HNF4G: variants seen among roughly 807,000 people sequenced by gnomAD.
The protein encoded by HNF4G is hepatocyte nuclear factor 4-gamma.
HNF4G carries 21 observed loss-of-function variants against 50.9 expected under a neutral mutation model. That is an observed-to-expected ratio of 0.41 (90% CI 0.29 to 0.59). The LOEUF is 0.59. Among genes scored for constraint, HNF4G ranks in the 20% least tolerant of loss-of-function variants. The probability of loss-of-function intolerance (pLI) is 0.26; values close to 1 mark genes in which losing one functional copy is unlikely to be tolerated. For missense variants in HNF4G, 527 were observed against 559.4 expected (o/e 0.94, Z 0.58); for synonymous variants, 198 against 185.6 (o/e 1.07, Z -0.54).
chr8:75,428,922 G>C (rs767862739), intron 1 of HNF4G, among the ~76,000 whole-genome samples: 23 of 152,152 alleles, frequency 1.5e-4, no homozygotes, highest in Non-Finnish European at 2.5e-4. Context: ...GGCAAAAGTA[G>C]ATACGGGAAG....
In HNF4G at chr8:75,566,491, A is replaced by G. The variant is rs1371388745; in HGVS notation, c.*2395A>G. On this transcript the variant is annotated 3_prime_UTR_variant, in exon 10 of 10. Coordinates refer to ENST00000396423, the MANE Select transcript of HNF4G (RefSeq NM_004133.5). ...AATTGTTAGTAATGATTCTGCTTCAATAACTATGGTCAGGGAATTTATAAT... is the reference window on the plus strand; with the variant it reads ...AATTGTTAGTAATGATTCTGCTTCAGTAACTATGGTCAGGGAATTTATAAT... 1 of 152,576 alleles carries G rather than the reference A, an allele frequency of 6.6e-6. No individual in the cohort carries two copies. The highest frequency in any genetic ancestry group is 2.4e-5 in the African/African-American group (1 of 41,448). The allele number at this position is 152,576 out of a possible 1,614,324, so 9.5% of individuals were successfully genotyped here.
chr8:75,475,003 T>TATTA (rs1002906054), intron 1 of HNF4G, among the ~76,000 whole-genome samples: 3 of 150,512 alleles, frequency 2.0e-5, no homozygotes, highest in African/African-American at 7.3e-5. Flanking sequence ...GCCTATTATT[T>TATTA]ATTAATTAAT....
chr8:75,421,629 G>T (rs1214143277), intron 1 of HNF4G, among the ~76,000 whole-genome samples: 1 of 152,130 alleles, frequency 6.6e-6, no homozygotes, highest in African/African-American at 2.4e-5. Flanking sequence ...CAGTTTACAC[G>T]GAAATTGCAC....
At chr8:75,441,950 C>T (rs950970251) in intron 1 of HNF4G, among the ~76,000 whole-genome samples, 1 of 152,000 alleles carries the variant, frequency 6.6e-6, no homozygotes, top group African/African-American at 2.4e-5. Flanking sequence ...GGTATATTCA[C>T]GTGATGATTT....
chr8:75,552,800 C>T (rs1168970188), intron 4 of HNF4G, among the ~76,000 whole-genome samples: 1 of 151,934 alleles, frequency 6.6e-6, no homozygotes, highest in Non-Finnish European at 1.5e-5. Flanking sequence ...ATACTGTTCC[C>T]AGAGGATGGT....
In HNF4G at chr8:75,500,282, G is replaced by T. The variant is rs118117240; in HGVS notation, c.-24+10074G>T. On this transcript the variant is annotated intron_variant, in intron 2 of 10. Transcript: ENST00000354370. Reference sequence around the variant, plus strand: ...AGCACATGAAAAAATGTCCAACATCGTTAGTCATTAGGAAAATGCAATTTA... The same window carrying T: ...AGCACATGAAAAAATGTCCAACATCTTTAGTCATTAGGAAAATGCAATTTA... Among the ~76,000 whole-genome samples, 876 of 152,188 alleles carry T rather than the reference G, an allele frequency of 5.8e-3. 6 individuals are homozygous for T. Among genetic ancestry groups the T allele is most frequent in the Non-Finnish European group, 9.7e-3 (657 of 67,968 alleles).
intron 1 of HNF4G, among the ~76,000 whole-genome samples, chr8:75,428,797 C>T (rs1810942130): frequency 6.6e-6 from 1 of 152,056 alleles, no homozygotes; most frequent in Non-Finnish European, 1.5e-5. Flanking sequence ...AATGCTTTTG[C>T]CTTTGCCTAT....
At position 75,539,982 on chromosome 8, in the gene HNF4G, C is replaced by A. The variant is rs758531288; in HGVS notation, c.20C>A (p.Pro7Gln). 8.3e-6 allele frequency: 13 copies of A among 1,562,960 alleles called. No individual in the cohort carries two copies. Among genetic ancestry groups the A allele is most frequent in the South Asian group, 5.6e-5 (5 of 89,950 alleles). ...AAATCAATGATGAGGGTATCAGAACCAATACTGGACATGGACATGGCAAAT... is the reference window on the plus strand; with the variant it reads ...AAATCAATGATGAGGGTATCAGAACAAATACTGGACATGGACATGGCAAAT... MMRVSEPILDMDMANYS... is the reference protein window; with the variant it reads MMRVSEQILDMDMANYS... Residue 7 changes from proline to glutamine, a missense_variant, in exon 1 of 10, where the codon CCA (proline) becomes CAA (glutamine). Coordinates refer to ENST00000396423, the MANE Select transcript of HNF4G (RefSeq NM_004133.5).
At chr8:75,466,510 C>T (rs1303457326) in intron 1 of HNF4G, among the ~76,000 whole-genome samples, 1 of 150,334 alleles carries the variant, frequency 6.7e-6, no homozygotes, top group Admixed American at 6.7e-5. Context: ...CCCTCTCTCC[C>T]TCCCTCCCTC....
intron 2 of HNF4G, among the ~76,000 whole-genome samples, chr8:75,490,727 T>G (rs2130681010): frequency 6.6e-6 from 1 of 152,308 alleles, no homozygotes; most frequent in Non-Finnish European, 1.5e-5. Flanking sequence ...TTTGTGATTT[T>G]CTGAAGAATT....
chr8:75,414,566 C>T (rs1452445787), intron 1 of HNF4G, among the ~76,000 whole-genome samples: 3 of 152,086 alleles, frequency 2.0e-5, no homozygotes, highest in Non-Finnish European at 2.9e-5. Flanking sequence ...CTTCCCTGTC[C>T]CAAAGCAACC....
At chr8:75,427,102 C>T (rs1456186124) in intron 1 of HNF4G, among the ~76,000 whole-genome samples, 1 of 151,916 alleles carries the variant, frequency 6.6e-6, no homozygotes, top group African/African-American at 2.4e-5. Context: ...TCTTTTTAGA[C>T]CAGTATTATC....
At chr8:75,540,282 A>G (rs1351399736) in intron 1 of HNF4G, among the ~76,000 whole-genome samples, 1 of 152,172 alleles carries the variant, frequency 6.6e-6, no homozygotes. Context: ...TTAGAGGTAG[A>G]AAAAGCCTGG....
upstream of HNF4G, among the ~76,000 whole-genome samples, chr8:75,539,437 A>G (rs376988089): frequency 6.6e-5 from 10 of 152,320 alleles, no homozygotes; most frequent in East Asian, 1.7e-3. Flanking sequence ...AGGTAGCTTT[A>G]TTGTACATTT....
At chr8:75,452,718 CAA>C (rs556934761) in intron 1 of HNF4G, among the ~76,000 whole-genome samples, 2 of 125,138 alleles carry the variant, frequency 1.6e-5, no homozygotes. Flanking sequence ...GACTCCGTCT[CAA>C]AAAAAAAAAA....
intron 6 of HNF4G, among the ~76,000 whole-genome samples, chr8:75,557,614 C>G (rs1807171329): frequency 6.6e-6 from 1 of 152,152 alleles, no homozygotes; most frequent in Non-Finnish European, 1.5e-5. Flanking sequence ...GAGACTCCAT[C>G]TAAAAACACA....
chr8:75,483,858 A>G (rs1812438684), intron 1 of HNF4G, among the ~76,000 whole-genome samples: 1 of 152,192 alleles, frequency 6.6e-6, no homozygotes, highest in Admixed American at 6.5e-5. Context: ...TAGATATATT[A>G]TCTCTGTATT....
At chr8:75,485,339 A>G (rs1474106247) in intron 1 of HNF4G, among the ~76,000 whole-genome samples, 1 of 152,210 alleles carries the variant, frequency 6.6e-6, no homozygotes, top group Non-Finnish European at 1.5e-5. Context: ...CACTCATCAA[A>G]AGAGAAAAGT....
At chr8:75,423,799 T>G (rs1043270759) in intron 1 of HNF4G, among the ~76,000 whole-genome samples, 8 of 150,360 alleles carry the variant, frequency 5.3e-5, no homozygotes, top group Middle Eastern at 3.4e-3. Context: ...TTTGAAACTT[T>G]CTGCCAAGTT....
Sources: allele counts gnomAD v4.1 joint callset (sites outside exome capture counted in the v4.1 genomes callset), GRCh38; gene constraint gnomAD v4.1.1; transcripts MANE v1.5; gene names NCBI Gene and HGNC (gene_info 2026-07-23, HGNC 2026-07-21).